Variants in CHRM3 observed in about 807,000 individuals in gnomAD.
The protein encoded by CHRM3 is muscarinic acetylcholine receptor M3.
CHRM3 carries 11 observed loss-of-function variants against 41.8 expected under a neutral mutation model. The ratio of observed to expected loss-of-function variants is 0.26; its 90% confidence interval spans 0.17 to 0.44. The LOEUF is 0.44. CHRM3 is among the 20% of genes least tolerant of loss of function. The pLI, the probability that CHRM3 is intolerant of heterozygous loss-of-function variation, is 1.00. For synonymous variants in CHRM3, 297 were observed against 301.4 expected (o/e 0.99, Z 0.15); for missense variants, 571 against 745.4 (o/e 0.77, Z 2.72).
intron 5 of CHRM3, among the ~76,000 whole-genome samples, chr1:239,708,787 G>A (rs1032032343): frequency 3.8e-5 from 4 of 104,584 alleles, no homozygotes; most frequent in African/African-American, 3.7e-5. Context: ...TGTAGGTTCC[G>A]TGGTACTTTC....
chr1:239,799,910 C>A (rs951257051), intron 5 of CHRM3, among the ~76,000 whole-genome samples: 3 of 152,200 alleles, frequency 2.0e-5, no homozygotes, highest in African/African-American at 7.2e-5. Flanking sequence ...CTGCAATCCA[C>A]AGACTCAACT....
intron 5 of CHRM3, among the ~76,000 whole-genome samples, chr1:239,789,817 T>G (rs774744003): frequency 1.3e-5 from 2 of 152,176 alleles, no homozygotes; most frequent in Non-Finnish European, 2.9e-5. Flanking sequence ...ACATCCAAAC[T>G]TTAGCAACCG....
intron 4 of CHRM3, among the ~76,000 whole-genome samples, chr1:239,672,825 C>A (rs927852138): frequency 4.6e-5 from 7 of 152,026 alleles, no homozygotes; most frequent in African/African-American, 1.7e-4. Context: ...TAGGGAGTGC[C>A]TGTGTTTTCT....
At chr1:239,870,559 G>T (rs1442900314) in intron 6 of CHRM3, among the ~76,000 whole-genome samples, 1 of 152,092 alleles carries the variant, frequency 6.6e-6, no homozygotes, top group Admixed American at 6.6e-5. Flanking sequence ...GAGCTTTGTG[G>T]GTTGGTTTTA....
intron 1 of CHRM3, among the ~76,000 whole-genome samples, chr1:239,458,810 A>G (rs1012497427): frequency 6.6e-6 from 1 of 152,172 alleles, no homozygotes; most frequent in African/African-American, 2.4e-5. Flanking sequence ...TTATGGGCAT[A>G]ATGATCCAGA....
intron 5 of CHRM3, among the ~76,000 whole-genome samples, chr1:239,785,330 A>T (rs184612839): frequency 6.6e-6 from 1 of 152,226 alleles, no homozygotes; most frequent in Non-Finnish European, 1.5e-5. Context: ...GATGGAAAAC[A>T]TTATTAAACC....
chr1:239,482,187 A>C (rs1452247941), intron 1 of CHRM3, among the ~76,000 whole-genome samples: 3 of 152,138 alleles, frequency 2.0e-5, no homozygotes, highest in Admixed American at 2.0e-4. Flanking sequence ...TGACAGTAAC[A>C]GCCCAGAGAC....
At chr1:239,439,521 G>T (rs1456475311) in intron 1 of CHRM3, among the ~76,000 whole-genome samples, 1 of 152,134 alleles carries the variant, frequency 6.6e-6, no homozygotes, top group African/African-American at 2.4e-5. Flanking sequence ...AATGAGAGGA[G>T]AATTGAAATA....
In CHRM3 at chr1:239,793,677, A is replaced by C. The variant is rs995282510; in HGVS notation, c.-146-33575A>C. ...CATTTCACCTGCTAGGATTAAGCAG[A>C]CCACTGTGAATGGTGGGATATTGTC... On this transcript the variant is annotated intron_variant, in intron 5 of 6. Coordinates refer to ENST00000676153, the MANE Select transcript of CHRM3 (RefSeq NM_001375978.1). 2.6e-5 allele frequency among the ~76,000 whole-genome samples: 4 copies of C among 152,150 alleles called. No homozygotes were observed. The East Asian group carries it at 5.8e-4, about 22-fold the overall frequency.
In CHRM3 at chr1:239,821,054, T is replaced by C. The variant is rs148487879; in HGVS notation, c.-146-6198T>C. Among the ~76,000 whole-genome samples the C allele has an allele frequency of 3.3e-3, 504 of 152,336 alleles. 7 individuals carry two copies. Among genetic ancestry groups the C allele is most frequent in the African/African-American group, 0.011 (457 of 41,586 alleles). Reference sequence around the variant, plus strand: ...TAATCTTGCATGATTTATGTGGGTTTATTATCCTCTTGTGATGCGCCATCC... The same window carrying C: ...TAATCTTGCATGATTTATGTGGGTTCATTATCCTCTTGTGATGCGCCATCC... On this transcript the variant is annotated intron_variant, in intron 5 of 6. Transcript: ENST00000676153.
intron 2 of CHRM3, among the ~76,000 whole-genome samples, chr1:239,543,378 G>C (rs568338765): frequency 6.6e-6 from 1 of 152,258 alleles, no homozygotes; most frequent in Non-Finnish European, 1.5e-5. Flanking sequence ...TGAGGCTCAT[G>C]ATCTTCTGTA....
rs112149479 is a variant in CHRM3 at position 239,694,267 on chromosome 1, A to G, written c.-147+15979A>G. Among the ~76,000 whole-genome samples, 877 of 152,328 alleles carry G rather than the reference A, an allele frequency of 5.8e-3. 13 individuals carry two copies. The highest frequency in any genetic ancestry group is 0.02 in the African/African-American group (843 of 41,582). Reference sequence around the variant, plus strand: ...AAAACTTATGATTGTAATGAAGACAATTTCACAGTATCTTGAGGCATGAAG... The same window carrying G: ...AAAACTTATGATTGTAATGAAGACAGTTTCACAGTATCTTGAGGCATGAAG... On this transcript the variant is annotated intron_variant, in intron 5 of 6. Transcript: ENST00000676153.
chr1:239,633,263 A>G (rs971492914), intron 4 of CHRM3, among the ~76,000 whole-genome samples: 1 of 152,134 alleles, frequency 6.6e-6, no homozygotes, highest in Non-Finnish European at 1.5e-5. Context: ...GAGCCACCGC[A>G]CCCAGCTAGG....
intron 3 of CHRM3, among the ~76,000 whole-genome samples, chr1:239,581,078 T>C (rs1166084262): frequency 6.6e-6 from 1 of 152,014 alleles, no homozygotes; most frequent in African/African-American, 2.4e-5. Context: ...TTGATGTTCA[T>C]TTTAATTTAG....
intron 6 of CHRM3, among the ~76,000 whole-genome samples, chr1:239,885,896 C>T (rs182086703): frequency 6.0e-4 from 92 of 152,298 alleles, no homozygotes; most frequent in Middle Eastern, 6.8e-3. Flanking sequence ...TGATGTGTCA[C>T]TTGGGAATTA....
intron 1 of CHRM3, among the ~76,000 whole-genome samples, chr1:239,446,150 T>A (rs573353059): frequency 2.8e-4 from 43 of 152,194 alleles, no homozygotes; most frequent in Non-Finnish European, 4.3e-4. Context: ...TTGGCCAGGA[T>A]GGTCTTGATC....
chr1:239,761,673 G>A (rs910587908), intron 5 of CHRM3, among the ~76,000 whole-genome samples: 12 of 152,132 alleles, frequency 7.9e-5, no homozygotes, highest in Non-Finnish European at 5.9e-5. Flanking sequence ...ATGCGCTAGG[G>A]GGCCTTTTCA....
intron 5 of CHRM3, among the ~76,000 whole-genome samples, chr1:239,759,853 T>C (rs567379094): frequency 6.6e-6 from 1 of 152,318 alleles, no homozygotes; most frequent in Admixed American, 6.5e-5. Context: ...TCATCTGGAA[T>C]CCACTTCCAA....
intron 1 of CHRM3, among the ~76,000 whole-genome samples, chr1:239,465,474 C>G (rs1207079296): frequency 6.6e-6 from 1 of 152,120 alleles, no homozygotes; most frequent in African/African-American, 2.4e-5. Context: ...ATAGGCAGAG[C>G]AGTTTTTGAC....
Sources: allele counts gnomAD v4.1 joint callset (sites outside exome capture counted in the v4.1 genomes callset), GRCh38; gene constraint gnomAD v4.1.1; transcripts MANE v1.5; gene names NCBI Gene and HGNC (gene_info 2026-07-23, HGNC 2026-07-21).